Variants in PYHIN1 observed in about 807,000 individuals in gnomAD.
PYHIN1 encodes pyrin and HIN domain family member 1.
A neutral mutation model predicts 43.7 loss-of-function variants in PYHIN1; 32 were observed. The ratio of observed to expected loss-of-function variants is 0.73; its 90% CI spans 0.55 to 0.98. PYHIN1 has a LOEUF of 0.98. Ranked by LOEUF, PYHIN1 falls within the 50% of genes least tolerant of loss-of-function variation. The pLI is 0.00. For missense variants in PYHIN1, 588 were observed against 589.5 expected, an observed-to-expected ratio of 1.00 and a Z score of 0.03; for synonymous variants, 205 against 203.1, an observed-to-expected ratio of 1.01 and a Z score of -0.08.
chr1:158,988,286 T>G, the PYHIN1 span, among the ~76,000 whole-genome samples: 4 of 152,162 alleles, frequency 2.6e-5, no homozygotes, highest in Admixed American at 2.0e-4. Context: ...GGAAAATTGG[T>G]ATCAGCTGGA....
chr1:158,974,736 G>T (rs530949725), intron 8 of PYHIN1, among the ~76,000 whole-genome samples: 5 of 151,812 alleles, frequency 3.3e-5, no homozygotes, highest in African/African-American at 4.8e-5. Flanking sequence ...TGATAAGCCC[G>T]AGAATCACAT....
At chr1:158,984,218 A>G in the PYHIN1 span, among the ~76,000 whole-genome samples, 1 of 151,540 alleles carries the variant, frequency 6.6e-6, no homozygotes, top group Non-Finnish European at 1.5e-5. Flanking sequence ...TGTTTTTTCT[A>G]GTTCCTGTAA....
At chr1:158,963,664 A>G (rs1650459151) in intron 7 of PYHIN1, among the ~76,000 whole-genome samples, 1 of 152,188 alleles carries the variant, frequency 6.6e-6, no homozygotes, top group South Asian at 2.1e-4. Context: ...TCAACACCAA[A>G]AATATTTTGC....
At chr1:158,971,279 A>G (rs1264499965) in intron 7 of PYHIN1, among the ~76,000 whole-genome samples, 1 of 151,928 alleles carries the variant, frequency 6.6e-6, no homozygotes, top group Non-Finnish European at 1.5e-5. Flanking sequence ...GAGTGATTTG[A>G]TATTGGAAGT....
Position 158,938,428 on chromosome 1 carries a change from AG to A in PYHIN1, c.299del (p.Gly100GlufsTer2). ...ANKIESIPVKGIIPSKKTKQK... is the reference protein window; with the variant it reads ...ANKIESIPVKXIIPSKKTKQK... ...ATAAAATTGAATCCATTCCAGTCAAAGGAATAATCCCATCTAAAAAGACGAA... is the reference window on the plus strand; with the variant it reads ...ATAAAATTGAATCCATTCCAGTCAAAGAATAATCCCATCTAAAAAGACGAA... On this transcript the variant is annotated frameshift_variant, in exon 3 of 9. Coordinates refer to ENST00000368140, the MANE Select transcript of PYHIN1 (RefSeq NM_152501.5). LOFTEE classifies it high-confidence loss of function. 6.2e-7 allele frequency: 1 copy of A among 1,614,184 alleles called. No individual in the cohort carries two copies. Among genetic ancestry groups the A allele is most frequent in the Non-Finnish European group, 8.5e-7 (1 of 1,180,012 alleles).
intron 7 of PYHIN1, among the ~76,000 whole-genome samples, chr1:158,948,928 C>T (rs761394339): frequency 6.6e-6 from 1 of 152,130 alleles, no homozygotes; most frequent in Non-Finnish European, 1.5e-5. Context: ...ACCTGGGTCA[C>T]AAAGGCGGAG....
At chr1:158,948,847 T>C (rs1275228305) in intron 7 of PYHIN1, among the ~76,000 whole-genome samples, 1 of 152,134 alleles carries the variant, frequency 6.6e-6, no homozygotes, top group Non-Finnish European at 1.5e-5. Context: ...CTTAATATCA[T>C]AACACTAGCA....
chr1:158,968,079 G>A (rs1371346443), intron 7 of PYHIN1, among the ~76,000 whole-genome samples: 2 of 151,290 alleles, frequency 1.3e-5, no homozygotes, highest in African/African-American at 4.9e-5. Context: ...ACAACATAAA[G>A]AAAAAATGAC....
At chr1:158,957,027 C>G (rs1197605962) in intron 7 of PYHIN1, among the ~76,000 whole-genome samples, 2 of 146,942 alleles carry the variant, frequency 1.4e-5, no homozygotes, top group African/African-American at 5.1e-5. Flanking sequence ...GAATAAAATA[C>G]CTAGGAATCC....
chr1:158,949,730 G>T (rs1251476104), intron 7 of PYHIN1, among the ~76,000 whole-genome samples: 1 of 152,062 alleles, frequency 6.6e-6, no homozygotes. Context: ...TTTTATGGCT[G>T]CATAGTATTC....
chr1:158,945,291 A>T, intron 7 of PYHIN1: 1 of 304,976 alleles, frequency 3.3e-6, no homozygotes, highest in East Asian at 5.4e-5. Context: ...TGCTCCACCT[A>T]TGGGAGGGGT....
chr1:158,974,840 T>G (rs571714572), intron 8 of PYHIN1, among the ~76,000 whole-genome samples: 24 of 152,222 alleles, frequency 1.6e-4, no homozygotes, highest in African/African-American at 5.8e-4. Context: ...ATGGAACGCA[T>G]ATGTAGTCAT....
chr1:158,990,370 T>A, the PYHIN1 span, among the ~76,000 whole-genome samples: 27 of 152,114 alleles, frequency 1.8e-4, no homozygotes, highest in Non-Finnish European at 7.4e-5. Context: ...TAATCTATTA[T>A]TTCTTTTTTT....
chr1:158,968,965 T>C (rs563673099), intron 7 of PYHIN1, among the ~76,000 whole-genome samples: 3 of 152,054 alleles, frequency 2.0e-5, no homozygotes, highest in African/African-American at 7.2e-5. Context: ...AATACCTGGG[T>C]GATGAAATAA....
At chr1:158,987,096 T>C in the PYHIN1 span, among the ~76,000 whole-genome samples, 1 of 152,236 alleles carries the variant, frequency 6.6e-6, no homozygotes, top group Non-Finnish European at 1.5e-5. Flanking sequence ...TGTTTGTTGA[T>C]ACTAGACATC....
chr1:158,938,342 G>T, intron 2 of PYHIN1, 55 bp from the exon 3 acceptor site: 2 of 1,590,546 alleles, frequency 1.3e-6, no homozygotes, highest in Admixed American at 3.4e-5. Context: ...AAACTGCTTC[G>T]GGTGTCCCCG....
At chr1:158,951,279 G>A (rs768234643) in intron 7 of PYHIN1, among the ~76,000 whole-genome samples, 22 of 152,072 alleles carry the variant, frequency 1.4e-4, no homozygotes, top group Non-Finnish European at 2.6e-4. Context: ...ATTGCCATAA[G>A]CCAATGGGCC....
At chr1:158,970,699 A>G (rs1650883960) in intron 7 of PYHIN1, among the ~76,000 whole-genome samples, 1 of 119,848 alleles carries the variant, frequency 8.3e-6, no homozygotes, top group South Asian at 3.4e-4. Flanking sequence ...AACATAAAGC[A>G]TAAAATATCT....
chr1:158,989,913 T>A, the PYHIN1 span, among the ~76,000 whole-genome samples: 1 of 152,198 alleles, frequency 6.6e-6, no homozygotes, highest in Admixed American at 6.5e-5. Context: ...AGTTCAAGTA[T>A]AATTTCCATA....
Sources: gnomAD v4.1 joint callset for allele counts (sites outside exome capture counted in the v4.1 genomes callset) on GRCh38, gnomAD v4.1.1 for gene constraint, MANE v1.5 for transcripts, NCBI Gene and HGNC (gene_info 2026-07-23, HGNC 2026-07-21) for gene names.